ATXN1: variants seen among roughly 807,000 people sequenced by gnomAD.
ATXN1 encodes the protein ataxin 1.
Under a neutral mutation model 56.4 loss-of-function variants are expected in ATXN1, and 8 were observed. That is an observed-to-expected ratio of 0.14 (90% CI 0.08 to 0.26). The LOEUF (loss-of-function observed/expected upper bound fraction) is 0.26. Among genes scored for constraint, ATXN1 ranks in the 10% least tolerant of loss-of-function variants. ATXN1 has a pLI of 1.00. For synonymous variants in ATXN1, 514 were observed against 494.6 expected (o/e 1.04, Z -0.52); for missense variants, 987 against 1,106.5 (o/e 0.89, Z 1.53).
chr6:16,622,442 T>C (rs1378543983), intron 3 of ATXN1, among the ~76,000 whole-genome samples: 1 of 152,156 alleles, frequency 6.6e-6, no homozygotes, highest in African/African-American at 2.4e-5. Context: ...GATGTGCGAA[T>C]AGGTACAGCC....
rs1581675658 is a variant in ATXN1, at chr6:16,303,045, A to G, written c.*3284T>C. On this transcript the variant is annotated 3_prime_UTR_variant, in exon 8 of 8. Coordinates refer to ENST00000436367, the MANE Select transcript of ATXN1 (RefSeq NM_001128164.2). This position sits in a 1 kb window ranked among gnomAD's most constrained non-coding sequence, Gnocchi z 4.3. Reference sequence around the variant, plus strand: ...CCGTGGGTGGCAGGTGGTCCCCTCCACAGCCACTGGCCAACACGCTCAGAA... The same window carrying G: ...CCGTGGGTGGCAGGTGGTCCCCTCCGCAGCCACTGGCCAACACGCTCAGAA... 6.6e-6 allele frequency: 1 copy of G among 152,662 alleles called. No homozygotes were observed. Among genetic ancestry groups the G allele is most frequent in the South Asian group, 2.1e-4 (1 of 4,824 alleles). 9.5% of individuals were successfully genotyped at this position (152,662 alleles called of 1,614,324 possible).
chr6:16,532,088 T>C (rs1028259538), intron 4 of ATXN1, among the ~76,000 whole-genome samples: 2 of 152,186 alleles, frequency 1.3e-5, no homozygotes, highest in Non-Finnish European at 2.9e-5. Context: ...AACAGGCATG[T>C]CGGTGTTCCA....
intron 6 of ATXN1, among the ~76,000 whole-genome samples, chr6:16,332,467 A>G (rs903394794): frequency 8.5e-5 from 13 of 152,364 alleles, no homozygotes; most frequent in Admixed American, 2.6e-4. Flanking sequence ...TAGAGTCTCT[A>G]GTTGCAGACA....
chr6:16,691,670 T>C (rs1303983230), intron 2 of ATXN1, among the ~76,000 whole-genome samples: 1 of 152,152 alleles, frequency 6.6e-6, no homozygotes, highest in Non-Finnish European at 1.5e-5. Context: ...GAAGATACTC[T>C]GAACAGATAA....
At chr6:16,353,214 T>C (rs1761607833) in intron 6 of ATXN1, among the ~76,000 whole-genome samples, 2 of 152,144 alleles carry the variant, frequency 1.3e-5, no homozygotes, top group Non-Finnish European at 2.9e-5. Flanking sequence ...GGCTGCGGTG[T>C]TCTAGGAAAA....
chr6:16,745,509 AC>A (rs1760501470), intron 2 of ATXN1, among the ~76,000 whole-genome samples: 1 of 152,232 alleles, frequency 6.6e-6, no homozygotes, highest in Non-Finnish European at 1.5e-5. Flanking sequence ...GAACTAAAAA[AC>A]AACACATAAA....
At chr6:16,720,830 A>G (rs898808614) in intron 2 of ATXN1, among the ~76,000 whole-genome samples, 7 of 152,224 alleles carry the variant, frequency 4.6e-5, no homozygotes, top group Admixed American at 4.6e-4. Context: ...GTCTATATCC[A>G]CAGGGCTGCT....
chr6:16,749,414 G>A (rs972264522), intron 2 of ATXN1, among the ~76,000 whole-genome samples: 5 of 152,170 alleles, frequency 3.3e-5, no homozygotes, highest in African/African-American at 9.7e-5. Flanking sequence ...ACGAGATACC[G>A]CATACGCTGA....
chr6:16,356,074 A>T (rs1046237769), intron 6 of ATXN1, among the ~76,000 whole-genome samples: 5 of 152,216 alleles, frequency 3.3e-5, no homozygotes, highest in African/African-American at 1.2e-4. Flanking sequence ...ATTTAGACAC[A>T]TTGCCTCTAA....
chr6:16,594,265 G>A (rs955443449), intron 3 of ATXN1, among the ~76,000 whole-genome samples: 1 of 150,082 alleles, frequency 6.7e-6, no homozygotes, highest in Non-Finnish European at 1.5e-5. Flanking sequence ...ATCAGCATAA[G>A]TTTCCCTGGG....
chr6:16,754,732 T>C (rs1191079886), intron 1 of ATXN1: 1 of 152,206 alleles, frequency 6.6e-6, no homozygotes, highest in Non-Finnish European at 1.5e-5. Context: ...AGTCCTTGGT[T>C]TCCCCACATG....
At chr6:16,656,954 G>C (rs1031500720) in intron 3 of ATXN1, among the ~76,000 whole-genome samples, 2 of 151,256 alleles carry the variant, frequency 1.3e-5, no homozygotes, top group Non-Finnish European at 2.9e-5. Context: ...ACATAGAAAA[G>C]GTACAACCAA....
At chr6:16,561,368 A>C (rs991806506) in intron 4 of ATXN1, among the ~76,000 whole-genome samples, 8 of 152,168 alleles carry the variant, frequency 5.3e-5, no homozygotes, top group African/African-American at 1.4e-4. Flanking sequence ...TTCAGACTAT[A>C]CAACAACCCT....
At chr6:16,329,750 G>A (rs191991213) in intron 6 of ATXN1, among the ~76,000 whole-genome samples, 3 of 152,314 alleles carry the variant, frequency 2.0e-5, no homozygotes, top group Admixed American at 1.3e-4. Context: ...AGATCAGTGT[G>A]TTCAAACCTG....
chr6:16,712,264 T>A (rs1759540445), intron 2 of ATXN1, among the ~76,000 whole-genome samples: 1 of 150,210 alleles, frequency 6.7e-6, no homozygotes, highest in East Asian at 1.9e-4. Flanking sequence ...CTTTTCACTA[T>A]TAATAATAAA....
At chr6:16,750,035 T>A (rs913250328) in intron 2 of ATXN1, 1 of 152,468 alleles carries the variant, frequency 6.6e-6, no homozygotes, top group African/African-American at 2.4e-5. Flanking sequence ...TCCATCCATC[T>A]CTTCCCACAG....
Position 16,760,349 on chromosome 6 carries a change from C to G in ATXN1, c.-730+949G>C, listed in dbSNP as rs934535013. On this transcript the variant is annotated intron_variant, in intron 1 of 7. Transcript: ENST00000436367. This position sits in a 1 kb window ranked among gnomAD's most constrained non-coding sequence, Gnocchi z 5.3. The stretch of plus-strand genomic sequence containing the variant: ...GGCAGCGCCTGCCGCGGCTCCTCGT[C>G]TCCTGCCGCGGGTGCTGGCGGGGGC... Among the ~76,000 whole-genome samples, 4 of 151,906 alleles carry G rather than the reference C, an allele frequency of 2.6e-5. No homozygotes were observed. The highest frequency in any genetic ancestry group is 7.2e-5 in the African/African-American group (3 of 41,422).
intron 4 of ATXN1, among the ~76,000 whole-genome samples, chr6:16,565,092 C>T (rs1455280933): frequency 6.6e-6 from 1 of 152,170 alleles, no homozygotes; most frequent in East Asian, 1.9e-4. Context: ...ATCTTAGCTC[C>T]TGCATTCTGT....
At chr6:16,494,664 G>C (rs1401644353) in intron 5 of ATXN1, among the ~76,000 whole-genome samples, 1 of 152,080 alleles carries the variant, frequency 6.6e-6, no homozygotes, top group Non-Finnish European at 1.5e-5. Context: ...TTATACATTG[G>C]AGAAAAGTAT....
Sources: allele counts gnomAD v4.1 joint callset (sites outside exome capture counted in the v4.1 genomes callset), GRCh38; gene constraint gnomAD v4.1.1; non-coding constraint Gnocchi (gnomAD v3.1); transcripts MANE v1.5; gene names NCBI Gene and HGNC (gene_info 2026-07-23, HGNC 2026-07-21).